The following KCNC2 variants were observed in gnomAD, a reference collection of about 807,000 sequenced individuals.
The protein encoded by KCNC2 is voltage-gated potassium channel KCNC2.
In KCNC2, 21 loss-of-function variants were observed where a neutral mutation model predicts 44.5. That is an observed-to-expected ratio of 0.47 (90% CI 0.33 to 0.68). The LOEUF (loss-of-function observed/expected upper bound fraction) is 0.68. KCNC2 is among the 30% of genes least tolerant of loss of function. The probability of loss-of-function intolerance (pLI) is 0.01; values close to 1 mark genes in which losing one functional copy is unlikely to be tolerated. For synonymous variants in KCNC2, 391 were observed against 339.1 expected, an observed-to-expected ratio of 1.15 and a Z score of -1.68; for missense variants, 589 against 826.2, an observed-to-expected ratio of 0.71 and a Z score of 3.52.
intron 2 of KCNC2, among the ~76,000 whole-genome samples, chr12:75,156,001 A>G (rs1049198562): frequency 6.6e-6 from 1 of 151,896 alleles, no homozygotes; most frequent in African/African-American, 2.4e-5. Flanking sequence ...GAGGAAGTGG[A>G]GTTGGGCTTC....
intron 2 of KCNC2, among the ~76,000 whole-genome samples, chr12:75,063,477 G>A (rs1281273785): frequency 1.3e-5 from 2 of 151,968 alleles, no homozygotes; most frequent in Non-Finnish European, 2.9e-5. Flanking sequence ...GAAACTGCCT[G>A]CCTTATCTCA....
Position 75,050,444 on chromosome 12 carries a change from G to A in KCNC2, c.1561C>T (p.Gln521Ter). The A allele has an allele frequency of 6.2e-7, 1 of 1,613,520 alleles. No individual in the cohort carries two copies. The highest frequency in any genetic ancestry group is 1.1e-5 in the South Asian group (1 of 91,054). Reference protein sequence around the residue: ...TELNMACNSTQSDTCLGKDNR... With the variant: ...TELNMACNST Reference sequence around the variant, plus strand: ...TCTTTGCCCAGACATGTGTCACTCTGTGTACTATTGCAGGCCATATTTAAT... The same window carrying A: ...TCTTTGCCCAGACATGTGTCACTCTATGTACTATTGCAGGCCATATTTAAT... The change falls in exon 3 of 5, where the codon CAG (glutamine) becomes TAG (stop). Residue 521 changes from glutamine (Q) to a stop codon, truncating the protein, a stop_gained. Coordinates refer to ENST00000549446, the MANE Select transcript of KCNC2 (RefSeq NM_139137.4). LOFTEE classifies it high-confidence loss of function.
intron 2 of KCNC2, among the ~76,000 whole-genome samples, chr12:75,130,611 A>C (rs1888770351): frequency 6.6e-6 from 1 of 152,214 alleles, no homozygotes; most frequent in Non-Finnish European, 1.5e-5. Flanking sequence ...CACATCAATA[A>C]GAAATTATTA....
intron 2 of KCNC2, among the ~76,000 whole-genome samples, chr12:75,099,690 T>G (rs1258776643): frequency 6.6e-6 from 1 of 152,200 alleles, no homozygotes; most frequent in Non-Finnish European, 1.5e-5. Flanking sequence ...AAATACAAGA[T>G]TTCTATTATC....
intron 2 of KCNC2, among the ~76,000 whole-genome samples, chr12:75,147,773 A>G (rs1890126475): frequency 6.6e-6 from 1 of 152,150 alleles, no homozygotes; most frequent in African/African-American, 2.4e-5. Context: ...CAGACGTTAC[A>G]GTTTCCAAGC....
chr12:75,106,088 C>A (rs560454348), intron 2 of KCNC2, among the ~76,000 whole-genome samples: 2 of 151,978 alleles, frequency 1.3e-5, no homozygotes, highest in Admixed American at 1.3e-4. Context: ...GGAAACCAGA[C>A]GGTCTGAAAA....
At chr12:75,122,427 G>A (rs1363893485) in intron 2 of KCNC2, among the ~76,000 whole-genome samples, 1 of 152,154 alleles carries the variant, frequency 6.6e-6, no homozygotes, top group Non-Finnish European at 1.5e-5. Flanking sequence ...TATAATCAAA[G>A]CAGCACAGAA....
chr12:75,158,180 C>T (rs906995270), intron 2 of KCNC2, among the ~76,000 whole-genome samples: 3 of 151,852 alleles, frequency 2.0e-5, no homozygotes, highest in East Asian at 3.9e-4. Context: ...CTGAATAAGG[C>T]TTTCATCCAC....
intron 2 of KCNC2, among the ~76,000 whole-genome samples, chr12:75,098,785 T>TAAAG (rs1886145102): frequency 6.6e-6 from 1 of 151,184 alleles, no homozygotes. Flanking sequence ...AATAAATAAA[T>TAAAG]AAAGGAATGA....
chr12:75,082,916 A>C (rs1884640044), intron 2 of KCNC2, among the ~76,000 whole-genome samples: 1 of 151,686 alleles, frequency 6.6e-6, no homozygotes, highest in Non-Finnish European at 1.5e-5. Flanking sequence ...ACAGATTGAG[A>C]AAAACAAAGA....
intron 2 of KCNC2, among the ~76,000 whole-genome samples, chr12:75,077,823 A>G (rs1233127565): frequency 1.3e-5 from 2 of 152,178 alleles, no homozygotes; most frequent in African/African-American, 4.8e-5. Context: ...CACTTTGTCT[A>G]GTAACTCTGA....
At chr12:75,052,848 G>A (rs527995703) in intron 2 of KCNC2, among the ~76,000 whole-genome samples, 3 of 152,238 alleles carry the variant, frequency 2.0e-5, no homozygotes, top group Admixed American at 6.5e-5. Flanking sequence ...TTCTTCTACA[G>A]TGTGCCAGTT....
rs1325888980 is a variant in KCNC2, at chr12:75,047,707, C to T, written c.1780+446G>A. 4.6e-5 allele frequency among the ~76,000 whole-genome samples: 7 copies of T among 151,664 alleles called. No homozygotes were observed. The South Asian group carries it at 1.0e-3, about 23-fold the overall frequency. ...GTACTGGATTAGAAACATTAGAGAA[C>T]GTTTAATGCTTTACTTTGAGAAAAA... On this transcript the variant is annotated intron_variant, in intron 4 of 4. Transcript: ENST00000549446.
rs1034723795 is a variant in KCNC2 at position 75,102,793 on chromosome 12, G to T, written c.688-51476C>A. On this transcript the variant is annotated intron_variant, in intron 2 of 4. Transcript: ENST00000549446. ...TGAGTGGGCTTTAGAGAGTGCCACT[G>T]CCCATAGAATACATCTCCCCCCCAC... Among the ~76,000 whole-genome samples, 17 of 151,852 alleles carry T rather than the reference G, an allele frequency of 1.1e-4. 1 individual carries two copies. Among genetic ancestry groups the T allele is most frequent in the Admixed American group, 9.2e-4 (14 of 15,200 alleles).
At chr12:75,131,595 T>C (rs1888848856) in intron 2 of KCNC2, among the ~76,000 whole-genome samples, 1 of 152,090 alleles carries the variant, frequency 6.6e-6, no homozygotes, top group East Asian at 1.9e-4. Flanking sequence ...TGGCTGGTGG[T>C]AGAGAGATGT....
At chr12:75,100,570 T>C (rs1040829713) in intron 2 of KCNC2, among the ~76,000 whole-genome samples, 1 of 152,110 alleles carries the variant, frequency 6.6e-6, no homozygotes, top group African/African-American at 2.4e-5. Context: ...ACTTTTCAAA[T>C]GCTTTATTTA....
At chr12:75,183,678 C>T (rs1023149994) in intron 2 of KCNC2, among the ~76,000 whole-genome samples, 2 of 152,186 alleles carry the variant, frequency 1.3e-5, no homozygotes, top group Admixed American at 1.3e-4. Flanking sequence ...CCTCTGTCTT[C>T]TTGCAATAAA....
chr12:75,044,883 A>G (rs1526804), intron 4 of KCNC2: 127,528 of 151,910 alleles, frequency 0.84, 53,666 homozygotes, highest in Middle Eastern at 0.86. Flanking sequence ...AAACATGAGA[A>G]GTGGTATATA....
chr12:75,163,274 C>T (rs1891237953), intron 2 of KCNC2, among the ~76,000 whole-genome samples: 1 of 151,620 alleles, frequency 6.6e-6, no homozygotes, highest in African/African-American at 2.4e-5. Context: ...TTTTGTGTAT[C>T]TAGTTCCCTT....
Sources: allele counts gnomAD v4.1 joint callset (sites outside exome capture counted in the v4.1 genomes callset), GRCh38; gene constraint gnomAD v4.1.1; transcripts MANE v1.5; gene names NCBI Gene and HGNC (gene_info 2026-07-23, HGNC 2026-07-21).